Variants in UVRAG observed in about 807,000 individuals in gnomAD.
UVRAG encodes UV radiation resistance-associated gene protein.
Under a neutral mutation model 78.0 loss-of-function variants are expected in UVRAG, and 19 were observed. That is an observed-to-expected ratio of 0.24 (90% CI 0.17 to 0.36). The LOEUF (loss-of-function observed/expected upper bound fraction) is 0.36, where lower values mean the gene tolerates loss of function less well. Ranked by LOEUF, UVRAG falls within the 10% of genes least tolerant of loss-of-function variation. The pLI, the probability that UVRAG is intolerant of heterozygous loss-of-function variation, is 1.00. For synonymous variants in UVRAG, 323 were observed against 324.6 expected, an observed-to-expected ratio of 1.00 and a Z score of 0.05; for missense variants, 740 against 853.8, an observed-to-expected ratio of 0.87 and a Z score of 1.66.
At chr11:75,879,671 T>C (rs1371539462) in intron 3 of UVRAG, among the ~76,000 whole-genome samples, 1 of 152,230 alleles carries the variant, frequency 6.6e-6, no homozygotes, top group East Asian at 1.9e-4. Flanking sequence ...CTTCTTCTAA[T>C]GACTATAATA....
chr11:75,839,159 T>A (rs887790245), intron 1 of UVRAG: 3 of 152,216 alleles, frequency 2.0e-5, no homozygotes, highest in Non-Finnish European at 2.9e-5. Flanking sequence ...CTGTTAATGT[T>A]CTTTGCCATT....
chr11:75,948,846 T>C (rs965300506), intron 6 of UVRAG, among the ~76,000 whole-genome samples: 7 of 152,162 alleles, frequency 4.6e-5, no homozygotes, highest in Non-Finnish European at 1.0e-4. Flanking sequence ...AGGTACTAGA[T>C]GCATTAGCAC....
rs138803729 is a variant in UVRAG, at chr11:75,879,831, G to T, written c.271-48G>T. ...GATTTGTCACCTAATTGAAATAATC[G>T]TAAACAAATAGAGTTGTCCTAAAGC... On this transcript the variant is annotated intron_variant, in intron 3 of 14. Coordinates refer to ENST00000356136, the MANE Select transcript of UVRAG (RefSeq NM_003369.4). The T allele has an allele frequency of 1.1e-4, 168 of 1,573,828 alleles. 1 individual carries two copies. In the East Asian group the frequency reaches 3.7e-3, roughly 35 times the overall value.
intron 3 of UVRAG, among the ~76,000 whole-genome samples, chr11:75,877,937 CG>C (rs1946840006): frequency 6.7e-6 from 1 of 148,726 alleles, no homozygotes; most frequent in Non-Finnish European, 1.5e-5. Context: ...CCCTCCTGGA[CG>C]GGGCGGCTGG....
At chr11:75,931,844 TA>T (rs549028048) in intron 6 of UVRAG, among the ~76,000 whole-genome samples, 61 of 151,574 alleles carry the variant, frequency 4.0e-4, no homozygotes, top group African/African-American at 1.5e-3. Flanking sequence ...TTATCAAGTT[TA>T]AAAAAACTTT....
intron 5 of UVRAG, among the ~76,000 whole-genome samples, chr11:75,892,160 A>G (rs771558874): frequency 2.6e-5 from 4 of 152,154 alleles, no homozygotes; most frequent in Admixed American, 6.5e-5. Context: ...GCCAGAAGCA[A>G]AGTTTGTATG....
intron 14 of UVRAG, among the ~76,000 whole-genome samples, chr11:76,118,892 A>G (rs1460365305): frequency 1.3e-5 from 2 of 152,258 alleles, no homozygotes; most frequent in South Asian, 2.1e-4. Context: ...AACAGTTCAT[A>G]TAAGATAGGA....
intron 13 of UVRAG, 62 bp from the exon 14 acceptor site, chr11:76,115,862 T>G: frequency 6.8e-7 from 1 of 1,474,398 alleles, no homozygotes. Context: ...GTTTAGTGGT[T>G]CATTTTTCCG....
rs557250193 is a variant in UVRAG, at chr11:76,107,763, A to G, written c.1306-8161A>G. Among the ~76,000 whole-genome samples, 6 of 152,010 alleles carry G rather than the reference A, an allele frequency of 3.9e-5. No homozygotes were observed. The East Asian group carries it at 1.2e-3, about 29-fold the overall frequency. On this transcript the variant is annotated intron_variant, in intron 13 of 14. Coordinates refer to ENST00000356136, the MANE Select transcript of UVRAG (RefSeq NM_003369.4). ...TGAAAGAATTACGTTTTCTTCTAGG[A>G]AGGCAGATTTTGTTTTTGACATGGT...
At position 75,828,805 on chromosome 11, in the gene UVRAG, A is replaced by AT. The variant is rs1251955061; in HGVS notation, c.117+13294dup. Among the ~76,000 whole-genome samples the AT allele has an allele frequency of 4.4e-3, 446 of 100,238 alleles. 11 individuals are homozygous for AT. The highest frequency in any genetic ancestry group is 6.6e-3 in the Non-Finnish European group (354 of 53,744). 65.8% of individuals were successfully genotyped at this position (100,238 alleles called of 152,430 possible). A position where few individuals can be genotyped will look rare whatever the true frequency, so the allele number is the denominator to read the frequency against. ...CATATATATATATATATATATATATATTTTTTTTTTTTTGTAGAGACAGGG... is the reference window on the plus strand; with the variant it reads ...CATATATATATATATATATATATATATTTTTTTTTTTTTTGTAGAGACAGGG... On this transcript the variant is annotated intron_variant, in intron 1 of 14. Transcript: ENST00000356136.
chr11:76,005,233 C>T (rs982338045), intron 9 of UVRAG, among the ~76,000 whole-genome samples: 1 of 152,112 alleles, frequency 6.6e-6, no homozygotes, highest in African/African-American at 2.4e-5. Flanking sequence ...GTCCCAGCTA[C>T]TCGGGAGGCT....
chr11:75,925,128 G>A (rs1399683182), intron 6 of UVRAG, among the ~76,000 whole-genome samples: 1 of 152,142 alleles, frequency 6.6e-6, no homozygotes, highest in Non-Finnish European at 1.5e-5. Context: ...TGCGAATTAA[G>A]GCTTCACTGT....
rs1947497251 is a variant in UVRAG at position 75,901,432 on chromosome 11, C to T, written c.508-10522C>T. On this transcript the variant is annotated intron_variant, in intron 5 of 14. Transcript: ENST00000356136. ...GATAAACACCTCCAGTCTAGATTTC[C>T]ATGTATCTAAACATGTGTCAAATTT... Among the ~76,000 whole-genome samples, 2 of 152,162 alleles carry T rather than the reference C, an allele frequency of 1.3e-5. 1 individual carries two copies. The highest frequency in any genetic ancestry group is 4.1e-4 in the South Asian group (2 of 4,828).
At chr11:75,824,796 C>T (rs1175118669) in intron 1 of UVRAG, among the ~76,000 whole-genome samples, 1 of 151,242 alleles carries the variant, frequency 6.6e-6, no homozygotes, top group Admixed American at 6.6e-5. Context: ...GCCTCAGCCT[C>T]CCTAGTAGCT....
At chr11:75,873,241 A>G (rs995846494) in intron 3 of UVRAG, among the ~76,000 whole-genome samples, 1 of 152,196 alleles carries the variant, frequency 6.6e-6, no homozygotes, top group Non-Finnish European at 1.5e-5. Flanking sequence ...ACTTTTTCCA[A>G]ATGAATCTTA....
At chr11:75,864,049 G>C (rs2134794321) in intron 3 of UVRAG, among the ~76,000 whole-genome samples, 1 of 151,284 alleles carries the variant, frequency 6.6e-6, no homozygotes, top group African/African-American at 2.4e-5. Flanking sequence ...TCTTAATAAA[G>C]GTTCTATTAA....
Position 75,815,224 on chromosome 11 carries a change from T to G in UVRAG, c.-184T>G, listed in dbSNP as rs1027122409. ...GGTTGCACTGCGGTAATATGGCTCT[T>G]CCTTAGCCAGCGGCGGCAACGGCGG... On this transcript the variant is annotated 5_prime_UTR_variant, in exon 1 of 15. Transcript: ENST00000356136. 1.6e-5 allele frequency: 7 copies of G among 443,240 alleles called. No homozygotes were observed. Among genetic ancestry groups the G allele is most frequent in the East Asian group, 1.4e-4 (4 of 28,316 alleles). 27.5% of individuals were successfully genotyped at this position (443,240 alleles called of 1,614,324 possible).
intron 13 of UVRAG, among the ~76,000 whole-genome samples, chr11:76,078,991 A>G (rs896965683): frequency 4.6e-5 from 7 of 152,084 alleles, no homozygotes; most frequent in Non-Finnish European, 8.8e-5. Context: ...CCTTGGGCAG[A>G]TAGTATCTTT....
intron 6 of UVRAG, among the ~76,000 whole-genome samples, chr11:75,959,063 G>A (rs971402584): frequency 2.0e-5 from 3 of 152,192 alleles, no homozygotes; most frequent in Admixed American, 6.5e-5. Flanking sequence ...AGGCTTTGAT[G>A]TACCATTTAT....
Sources: gnomAD v4.1 joint callset for allele counts (sites outside exome capture counted in the v4.1 genomes callset) on GRCh38, gnomAD v4.1.1 for gene constraint, MANE v1.5 for transcripts, NCBI Gene and HGNC (gene_info 2026-07-23, HGNC 2026-07-21) for gene names.